ZNF721: variants seen among roughly 807,000 people sequenced by gnomAD.
ZNF721 encodes zinc finger protein 721.
Under a neutral mutation model 2.4 loss-of-function variants are expected in ZNF721, and 2 were observed. That is an observed-to-expected ratio of 0.82 (90% confidence interval 0.34 to 2.58). The LOEUF (loss-of-function observed/expected upper bound fraction) is 2.58, where lower values mean the gene tolerates loss of function less well. Ranked by LOEUF, ZNF721 falls within the 30% of genes most tolerant of loss-of-function variation. The pLI is 0.11. For missense variants in ZNF721, 1,187 were observed against 1,085.5 expected (o/e 1.09, Z -1.31); for synonymous variants, 398 against 381.8 (o/e 1.04, Z -0.50).
intron 2 of ZNF721, among the ~76,000 whole-genome samples, chr4:472,315 C>T (rs913775211): frequency 4.6e-5 from 7 of 152,214 alleles, no homozygotes; most frequent in African/African-American, 1.7e-4. Flanking sequence ...CCACCTCAGC[C>T]TCCCAAAGTG....
intron 2 of ZNF721, among the ~76,000 whole-genome samples, chr4:455,540 C>G (rs1346134311): frequency 1.3e-5 from 2 of 152,050 alleles, no homozygotes; most frequent in Admixed American, 6.6e-5. Context: ...GCGCTCTAGC[C>G]TGGCAACAGA....
At chr4:480,099 A>G (rs1368655203) in intron 1 of ZNF721, among the ~76,000 whole-genome samples, 4 of 152,190 alleles carry the variant, frequency 2.6e-5, no homozygotes, top group Non-Finnish European at 5.9e-5. Flanking sequence ...CTTTAAGTCA[A>G]TGTGGGGCTG....
chr4:450,956 A>AAAATATAT (rs1714637638), intron 2 of ZNF721, among the ~76,000 whole-genome samples: 1 of 63,756 alleles, frequency 1.6e-5, no homozygotes, highest in African/African-American at 7.7e-5. Flanking sequence ...AAAAAAAAAA[A>AAAATATAT]ATATATATAT....
At chr4:482,777 G>A (rs1397607846) in intron 1 of ZNF721, among the ~76,000 whole-genome samples, 10 of 152,172 alleles carry the variant, frequency 6.6e-5, no homozygotes, top group African/African-American at 2.2e-4. Flanking sequence ...TTACAGGTGT[G>A]AGCCACCGCG....
In ZNF721 at chr4:442,108, C is replaced by T. The variant is rs998857640; in HGVS notation, c.2359G>A (p.Gly787Ser). 1.1e-5 allele frequency: 18 copies of T among 1,613,764 alleles called. No individual in the cohort carries two copies. The highest frequency in any genetic ancestry group is 1.7e-5 in the Admixed American group (1 of 59,984). ...GKKPYKCKEC[G>S]KVITSSSSFA... ...CTTGAGGATGACGTAATGACTTTGC[C>T]ACATTCCTTACATTTGTAGGGTTTC... The change falls in exon 3 of 3, where the codon GGC becomes AGC. Residue 787 changes from glycine to serine, a missense_variant. Transcript: ENST00000511833.
chr4:498,404 G>C (rs1046679208), intron 1 of ZNF721, among the ~76,000 whole-genome samples: 11 of 152,008 alleles, frequency 7.2e-5, no homozygotes, highest in Non-Finnish European at 1.6e-4. Context: ...GCAGAGGAAT[G>C]ACTTTGAATA....
At chr4:467,452 A>G (rs758059607) in intron 2 of ZNF721, among the ~76,000 whole-genome samples, 1 of 152,236 alleles carries the variant, frequency 6.6e-6, no homozygotes, top group Non-Finnish European at 1.5e-5. Context: ...CCTAGAAAAC[A>G]TAAGTAGAAT....
At chr4:495,369 A>G (rs1716124037) in intron 1 of ZNF721, among the ~76,000 whole-genome samples, 1 of 151,722 alleles carries the variant, frequency 6.6e-6, no homozygotes, top group Non-Finnish European at 1.5e-5. Context: ...TAGGAGAGAA[A>G]AACAAAAACC....
intron 2 of ZNF721, among the ~76,000 whole-genome samples, chr4:455,185 C>T (rs1338686488): frequency 1.3e-5 from 2 of 152,200 alleles, no homozygotes; most frequent in African/African-American, 2.4e-5. Context: ...TTGCCATTTA[C>T]ATGGGATAAA....
At chr4:470,561 A>G (rs1560237271) in intron 2 of ZNF721, among the ~76,000 whole-genome samples, 1 of 152,118 alleles carries the variant, frequency 6.6e-6, no homozygotes, top group Non-Finnish European at 1.5e-5. Flanking sequence ...TAAAAATACA[A>G]AATTAGCCAA....
intron 2 of ZNF721, among the ~76,000 whole-genome samples, chr4:458,192 C>G (rs781918413): frequency 6.6e-6 from 1 of 152,218 alleles, no homozygotes; most frequent in Non-Finnish European, 1.5e-5. Flanking sequence ...CTTTTTTCCT[C>G]AGTGCCAGTC....
chr4:466,552 T>A (rs553978850), intron 2 of ZNF721, among the ~76,000 whole-genome samples: 9 of 152,344 alleles, frequency 5.9e-5, no homozygotes, highest in African/African-American at 2.2e-4. Context: ...TGCTGCAAAT[T>A]TGCAGCCATT....
At chr4:446,949 T>C (rs983257824) in intron 2 of ZNF721, among the ~76,000 whole-genome samples, 5 of 152,090 alleles carry the variant, frequency 3.3e-5, no homozygotes, top group African/African-American at 4.8e-5. Flanking sequence ...GCCTCCCAAA[T>C]TGCTGGGATT....
intron 1 of ZNF721, among the ~76,000 whole-genome samples, chr4:485,010 C>G (rs1193478320): frequency 6.6e-6 from 1 of 152,134 alleles, no homozygotes; most frequent in African/African-American, 2.4e-5. Context: ...CTCTTTTGTA[C>G]TCTGTCCCTT....
chr4:488,462 G>C (rs542822390), intron 1 of ZNF721, among the ~76,000 whole-genome samples: 35 of 152,272 alleles, frequency 2.3e-4, no homozygotes, highest in African/African-American at 8.4e-4. Flanking sequence ...GGAGGGCAAG[G>C]CTGTGAGGAG....
Position 461,580 on chromosome 4 carries a change from T to C in ZNF721, c.34+10995A>G, listed in dbSNP as rs570154371. On this transcript the variant is annotated intron_variant, in intron 2 of 2. Coordinates refer to ENST00000511833, the MANE Select transcript of ZNF721 (RefSeq NM_133474.4). ...CCTCTCTCACCACTCCTACTCAAAA[T>C]AGTATTGGAAAGCCGGGTGTGGTGG... is the stretch of plus-strand genomic sequence containing the variant. Among the ~76,000 whole-genome samples the C allele has an allele frequency of 1.1e-4, 16 of 152,264 alleles. No homozygotes were observed. In the East Asian group the frequency reaches 2.5e-3, roughly 24 times the overall value.
At chr4:490,735 G>A (rs1192885627) in intron 1 of ZNF721, among the ~76,000 whole-genome samples, 2 of 152,134 alleles carry the variant, frequency 1.3e-5, no homozygotes, top group African/African-American at 4.8e-5. Flanking sequence ...GTGTGTGCAC[G>A]TGTGCATGCG....
chr4:448,743 C>G (rs76091284), intron 2 of ZNF721, among the ~76,000 whole-genome samples: 1 of 152,108 alleles, frequency 6.6e-6, no homozygotes, highest in South Asian at 2.1e-4. Flanking sequence ...TAAAGCTGAA[C>G]AGCTAGATTA....
chr4:468,852 T>A (rs2108709168), intron 2 of ZNF721, among the ~76,000 whole-genome samples: 1 of 152,332 alleles, frequency 6.6e-6, no homozygotes, highest in South Asian at 2.1e-4. Flanking sequence ...AGCCAAGATC[T>A]GCAAGCATGC....
Sources: allele counts gnomAD v4.1 joint callset (sites outside exome capture counted in the v4.1 genomes callset), GRCh38; gene constraint gnomAD v4.1.1; transcripts MANE v1.5; gene names NCBI Gene and HGNC (gene_info 2026-07-23, HGNC 2026-07-21).